HERC1: variants seen among roughly 807,000 people sequenced by gnomAD.
HERC1 encodes HECT and RLD domain containing E3 ubiquitin protein ligase family member 1.
HERC1 carries 160 observed loss-of-function variants against 554.3 expected under a neutral mutation model. The ratio of observed to expected loss-of-function variants is 0.29; its 90% CI spans 0.25 to 0.33. The LOEUF (loss-of-function observed/expected upper bound fraction) is 0.33, where lower values mean the gene tolerates loss of function less well. HERC1 is among the 10% of genes least tolerant of loss of function. The pLI is 1.00. For missense variants in HERC1, 4,919 were observed against 5,918.5 expected, an observed-to-expected ratio of 0.83 and a Z score of 5.54; for synonymous variants, 2,175 against 2,131.7, an observed-to-expected ratio of 1.02 and a Z score of -0.56.
chr15:63,633,098 G>C (rs2068632286), intron 67 of HERC1, among the ~76,000 whole-genome samples: 1 of 152,202 alleles, frequency 6.6e-6, no homozygotes, highest in African/African-American at 2.4e-5. Context: ...GAGAATTCCA[G>C]GACCTTTTAA....
At chr15:63,640,509 A>G in intron 60 of HERC1, 64 bp from the exon 61 acceptor site, 1 of 1,289,778 alleles carries the variant, frequency 7.8e-7, no homozygotes, top group Non-Finnish European at 1.1e-6. Flanking sequence ...AAATTAACCT[A>G]CCGTAGTCTG....
intron 50 of HERC1, among the ~76,000 whole-genome samples, 172 bp from the exon 51 acceptor site, chr15:63,654,496 T>G (rs1048225173): frequency 6.6e-6 from 1 of 152,214 alleles, no homozygotes; most frequent in Admixed American, 6.5e-5. Context: ...CACTAAAATA[T>G]GCACACAAGA....
rs758543608 is a variant in HERC1, at chr15:63,712,839, A to G, written c.4520T>C (p.Leu1507Pro). The G allele has an allele frequency of 1.2e-6, 2 of 1,613,658 alleles. No homozygotes were observed. Among genetic ancestry groups the G allele is most frequent in the South Asian group, 2.2e-5 (2 of 91,070 alleles). Residue 1507 changes from leucine (L) to proline (P), a missense_variant, in exon 24 of 78, where the codon CTG (leucine) becomes CCG (proline). Physicochemically the swap from Leu to Pro is moderately conservative, Grantham distance 98. Transcript: ENST00000443617. ...RLVHTSPNYR[L>P]IKSRSESDLS... ...ATCAGATTCACTCCTCGATTTGATCAGTCTATAATTTGGGCTTGTGTGGAC... is the reference window on the plus strand; with the variant it reads ...ATCAGATTCACTCCTCGATTTGATCGGTCTATAATTTGGGCTTGTGTGGAC...
intron 1 of HERC1, among the ~76,000 whole-genome samples, chr15:63,822,955 A>G (rs1251474828): frequency 6.6e-6 from 1 of 152,242 alleles, no homozygotes; most frequent in Non-Finnish European, 1.5e-5. Flanking sequence ...ATTTATTAAT[A>G]CTAAGAGCAG....
chr15:63,768,193 T>C (rs1017185650), intron 2 of HERC1, among the ~76,000 whole-genome samples: 3 of 152,242 alleles, frequency 2.0e-5, no homozygotes, highest in African/African-American at 7.2e-5. Context: ...GCTATTAACC[T>C]GCTGCTGCCA....
intron 17 of HERC1, among the ~76,000 whole-genome samples, chr15:63,726,715 G>A (rs771287119): frequency 1.3e-5 from 2 of 152,068 alleles, no homozygotes; most frequent in Non-Finnish European, 2.9e-5. Flanking sequence ...CAAAACACCA[G>A]GGCCAGATAG....
At chr15:63,792,832 T>A (rs2144296963) in intron 1 of HERC1, among the ~76,000 whole-genome samples, 2 of 152,246 alleles carry the variant, frequency 1.3e-5, no homozygotes, top group East Asian at 3.9e-4. Flanking sequence ...GAGGGCTCAG[T>A]CCTAGAAAAC....
chr15:63,663,008 T>G lies in HERC1; in HGVS notation c.8877A>C (p.Pro2959=). The G allele has an allele frequency of 1.2e-6, 2 of 1,613,992 alleles. No homozygotes were observed. The highest frequency in any genetic ancestry group is 1.7e-6 in the Non-Finnish European group (2 of 1,179,868). ...SDNDILGMWI[P]EVLDWPTWHV... The stretch of plus-strand genomic sequence containing the variant: ...CCCAGGTAGGCCAATCCAGTACCTC[T>G]GGGATCCACATTCCCAGAATATCAT... The change falls in exon 44 of 78, where the codon CCA becomes CCC. Residue 2959 remains proline, a synonymous_variant. Coordinates refer to ENST00000443617, the MANE Select transcript of HERC1 (RefSeq NM_003922.4).
chr15:63,814,117 T>C (rs2077416649), intron 1 of HERC1, among the ~76,000 whole-genome samples: 1 of 152,124 alleles, frequency 6.6e-6, no homozygotes, highest in African/African-American at 2.4e-5. Context: ...GTTATAAAAC[T>C]ATATGTACAG....
chr15:63,627,784 A>G (rs192556769), intron 70 of HERC1, among the ~76,000 whole-genome samples: 244 of 152,362 alleles, frequency 1.6e-3, no homozygotes, highest in Non-Finnish European at 2.9e-3. Flanking sequence ...AGATAGATCA[A>G]ATCAGAAAGG....
chr15:63,693,551 C>A (rs1304284864), intron 30 of HERC1, among the ~76,000 whole-genome samples: 3 of 152,014 alleles, frequency 2.0e-5, no homozygotes, highest in Admixed American at 6.6e-5. Context: ...GCCTGGGGGA[C>A]AATTTAGGTC....
At chr15:63,655,283 G>A (rs1016328074) in intron 50 of HERC1, among the ~76,000 whole-genome samples, 1 of 152,232 alleles carries the variant, frequency 6.6e-6, no homozygotes, top group Non-Finnish European at 1.5e-5. Context: ...GAGCCCAGGA[G>A]GTGGAGGTTG....
At position 63,747,056 on chromosome 15, in the gene HERC1, G is replaced by A; in HGVS notation, c.2382C>T (p.Cys794=). The stretch of plus-strand genomic sequence containing the variant: ...CAAGGTGATTTGAAAGTAGCTTCAG[G>A]CACAGCTTGAGAAAACTGTGGTGTT... ...SREHHSFLKL[C]LKLLSNHLAL... is the part of the protein sequence containing the mutation. Residue 794 remains cysteine (C), a synonymous_variant, in exon 12 of 78, where the codon TGC becomes TGT. Transcript: ENST00000443617. 6.3e-7 allele frequency: 1 copy of A among 1,597,462 alleles called. No homozygotes were observed. Among genetic ancestry groups the A allele is most frequent in the South Asian group, 1.1e-5 (1 of 87,524 alleles).
intron 1 of HERC1, among the ~76,000 whole-genome samples, chr15:63,829,479 A>AATATATATAT (rs759570400): frequency 4.6e-5 from 4 of 87,606 alleles, no homozygotes; most frequent in African/African-American, 2.2e-4. Context: ...TGTTTATATA[A>AATATATATAT]ATATATATAT....
chr15:63,647,093 A>G (rs1198179396), intron 55 of HERC1, among the ~76,000 whole-genome samples: 1 of 151,902 alleles, frequency 6.6e-6, no homozygotes, highest in Non-Finnish European at 1.5e-5. Context: ...TGTCTCTACT[A>G]AAAATATAAA....
intron 8 of HERC1, among the ~76,000 whole-genome samples, chr15:63,751,076 T>C (rs368663456): frequency 5.9e-5 from 9 of 152,298 alleles, no homozygotes; most frequent in African/African-American, 2.2e-4. Context: ...TGAAATAATG[T>C]ATACTCAAAA....
At chr15:63,626,900 C>A (rs994300821) in intron 70 of HERC1, among the ~76,000 whole-genome samples, 2 of 152,210 alleles carry the variant, frequency 1.3e-5, no homozygotes, top group Non-Finnish European at 1.5e-5. Flanking sequence ...AATGGGGCCA[C>A]TTACTTCTAC....
At chr15:63,652,999 T>C (rs1276687247) in intron 51 of HERC1, among the ~76,000 whole-genome samples, 1 of 152,202 alleles carries the variant, frequency 6.6e-6, no homozygotes. Flanking sequence ...TATACTTATT[T>C]GAAGTATAGC....
At chr15:63,623,390 A>C (rs903240549) in intron 73 of HERC1, among the ~76,000 whole-genome samples, 3 of 152,244 alleles carry the variant, frequency 2.0e-5, no homozygotes, top group Non-Finnish European at 4.4e-5. Context: ...AAAGCACCAG[A>C]ATAAATCAGA....
Sources: gnomAD v4.1 joint callset for allele counts (sites outside exome capture counted in the v4.1 genomes callset) on GRCh38, gnomAD v4.1.1 for gene constraint, MANE v1.5 for transcripts, NCBI Gene and HGNC (gene_info 2026-07-23, HGNC 2026-07-21) for gene names.